The following KRT80 variants were observed in gnomAD, a reference collection of about 807,000 sequenced individuals.
The protein encoded by KRT80 is keratin 80, also known as keratin, type II cytoskeletal 80.
In KRT80, 36 loss-of-function variants were observed where a neutral mutation model predicts 51.5. The ratio of observed to expected loss-of-function variants is 0.70; its 90% CI spans 0.54 to 0.92. The LOEUF (loss-of-function observed/expected upper bound fraction) is 0.92. Among genes scored for constraint, KRT80 ranks in the 40% least tolerant of loss-of-function variants. The pLI is 0.00. For missense variants in KRT80, 566 were observed against 591.7 expected (o/e 0.96, Z 0.45); for synonymous variants, 235 against 248.3 (o/e 0.95, Z 0.50).
At chr12:52,187,749 T>C (rs1039046592) in intron 1 of KRT80, among the ~76,000 whole-genome samples, 1 of 152,060 alleles carries the variant, frequency 6.6e-6, no homozygotes, top group Non-Finnish European at 1.5e-5. Flanking sequence ...TGCCCTGCCT[T>C]GTGAGTGTGA....
chr12:52,172,444 G>A (rs1486231235), intron 6 of KRT80, 26 bp from the exon 7 acceptor site: 2 of 1,592,738 alleles, frequency 1.3e-6, no homozygotes, highest in East Asian at 2.2e-5. Context: ...CAGAGTGAAA[G>A]GGCCTGTGAG....
Position 52,170,787 on chromosome 12 carries a change from T to A in KRT80, c.*611A>T, listed in dbSNP as rs1462842998. 6.5e-6 allele frequency: 1 copy of A among 152,824 alleles called. No homozygotes were observed. Among genetic ancestry groups the A allele is most frequent in the Non-Finnish European group, 1.5e-5 (1 of 68,232 alleles). The allele number at this position is 152,824 out of a possible 1,614,324, so 9.5% of individuals were successfully genotyped here. A position where few individuals can be genotyped will look rare whatever the true frequency, so the allele number is the denominator to read the frequency against. ...TCGGGCTGATCTCTGGGGCCTAGGC[T>A]TAGGTCCCAAATAGCCAGGGCCCCT... is the stretch of plus-strand genomic sequence containing the variant. On this transcript the variant is annotated 3_prime_UTR_variant, in exon 9 of 9. Transcript: ENST00000394815.
chr12:52,185,374 C>A lies in KRT80; in HGVS notation c.509+5G>T, dbSNP rs185372773. The A allele has an allele frequency of 1.9e-6, 3 of 1,607,282 alleles. No homozygotes were observed. Among genetic ancestry groups the A allele is most frequent in the Non-Finnish European group, 1.7e-6 (2 of 1,176,310 alleles). On this transcript the variant is annotated splice_donor_5th_base_variant and intron_variant, in intron 2 of 8. Transcript: ENST00000394815. ...TGCTCATGGCTCTCATGGGGCTCTA[C>A]GTACCTGATTCGAAACTCCTCAACC...
intron 1 of KRT80, among the ~76,000 whole-genome samples, chr12:52,188,937 T>A (rs1406938370): frequency 6.6e-6 from 1 of 152,200 alleles, no homozygotes; most frequent in African/African-American, 2.4e-5. Context: ...ACTGTTGCCT[T>A]ACCAGTCCTT....
chr12:52,191,585 C>T lies in KRT80; in HGVS notation c.300+18G>A, dbSNP rs566490263. 1 of 1,545,208 alleles carries T rather than the reference C, an allele frequency of 6.5e-7. No homozygotes were observed. Among genetic ancestry groups the T allele is most frequent in the Admixed American group, 1.9e-5 (1 of 52,004 alleles). On this transcript the variant is annotated intron_variant, in intron 1 of 8. Coordinates refer to ENST00000394815, the MANE Select transcript of KRT80 (RefSeq NM_182507.3). ...GCCTGGCAGCCCTTCATGTTTGGGA[C>T]CCCCTACTTGTGCTCACCTTGCCAA...
chr12:52,187,367 G>A (rs1399378899), intron 1 of KRT80, among the ~76,000 whole-genome samples: 1 of 152,246 alleles, frequency 6.6e-6, no homozygotes, highest in Admixed American at 6.5e-5. Flanking sequence ...TGGAGGCCAG[G>A]GGTGTCAAGT....
Position 52,180,820 on chromosome 12 carries a change from A to G in KRT80, c.570+83T>C, listed in dbSNP as rs771602408. ...AAGCCTCTGAGGGCTTTGATTGGGC[A>G]TAAAGGAGAGTAGGATATCTGGAGG... On this transcript the variant is annotated intron_variant, in intron 3 of 8. Coordinates refer to ENST00000394815, the MANE Select transcript of KRT80 (RefSeq NM_182507.3). 4.4e-5 allele frequency: 70 copies of G among 1,606,164 alleles called. No individual in the cohort carries two copies. In the South Asian group the frequency reaches 6.3e-4, roughly 15 times the overall value.
intron 1 of KRT80, among the ~76,000 whole-genome samples, chr12:52,190,215 G>C (rs959889494): frequency 1.3e-5 from 2 of 152,168 alleles, no homozygotes; most frequent in Admixed American, 6.5e-5. Context: ...ATGGAAGAAG[G>C]AAAGAAAAGA....
chr12:52,184,817 T>C (rs1182145731), intron 2 of KRT80, among the ~76,000 whole-genome samples: 3 of 152,224 alleles, frequency 2.0e-5, no homozygotes, highest in Non-Finnish European at 2.9e-5. Flanking sequence ...TGGGGCTGTT[T>C]TCCTTATCTG....
At chr12:52,179,511 A>G (rs1232248634) in intron 4 of KRT80, among the ~76,000 whole-genome samples, 1 of 151,872 alleles carries the variant, frequency 6.6e-6, no homozygotes, top group Non-Finnish European at 1.5e-5. Flanking sequence ...CACAAACAAG[A>G]CTCAGTTCCA....
chr12:52,191,738 G>T lies in KRT80; in HGVS notation c.165C>A (p.Ile55=), dbSNP rs773796309. The change falls in exon 1 of 9, where the codon ATC becomes ATA. Residue 55 remains isoleucine (I), a synonymous_variant. Coordinates refer to ENST00000394815, the MANE Select transcript of KRT80 (RefSeq NM_182507.3). ...SLTGCWSAGT[I]SKVTVNPGLL... ...GGCCGGGGTTCACAGTCACCTTGGA[G>T]ATAGTGCCAGCCGACCAGCAGCCTG... 1.2e-6 allele frequency: 2 copies of T among 1,613,538 alleles called. No homozygotes were observed. The highest frequency in any genetic ancestry group is 1.7e-5 in the Admixed American group (1 of 60,006).
rs118025847 is a variant in KRT80, at chr12:52,187,611, G to A, written c.301-2024C>T. 3.9e-3 allele frequency among the ~76,000 whole-genome samples: 600 copies of A among 152,312 alleles called. 2 individuals are homozygous for A. Among genetic ancestry groups the A allele is most frequent in the Middle Eastern group, 6.8e-3 (2 of 294 alleles). On this transcript the variant is annotated intron_variant, in intron 1 of 8. Transcript: ENST00000394815. The stretch of plus-strand genomic sequence containing the variant: ...GAATACTGGATGATGGCGTTTGACG[G>A]TATTTGCGGGCTGCCATTCCCCTGC...
intron 1 of KRT80, among the ~76,000 whole-genome samples, chr12:52,188,247 C>T (rs1941434674): frequency 6.6e-6 from 1 of 152,230 alleles, no homozygotes. Flanking sequence ...CTGATTCCTC[C>T]TCTCTGTTCT....
intron 4 of KRT80, among the ~76,000 whole-genome samples, chr12:52,178,943 C>T (rs1234290010): frequency 6.6e-6 from 1 of 152,036 alleles, no homozygotes; most frequent in Non-Finnish European, 1.5e-5. Context: ...AACCCACAGG[C>T]CTGGCTACTG....
At chr12:52,190,997 A>C (rs1941471864) in intron 1 of KRT80, among the ~76,000 whole-genome samples, 1 of 152,118 alleles carries the variant, frequency 6.6e-6, no homozygotes, top group African/African-American at 2.4e-5. Flanking sequence ...AGGAAGGCCC[A>C]ACTGGCTTCC....
Position 52,171,641 on chromosome 12 carries a change from G to C in KRT80, c.1234+17C>G. The stretch of plus-strand genomic sequence containing the variant: ...CACCCTCACCCCACCATGGGTTCTC[G>C]GGGCAAGAGGACTCACCGGTTTTGC... On this transcript the variant is annotated intron_variant, in intron 8 of 8. Transcript: ENST00000394815. 2.5e-6 allele frequency: 4 copies of C among 1,594,722 alleles called. No individual in the cohort carries two copies. Among genetic ancestry groups the C allele is most frequent in the Non-Finnish European group, 2.6e-6 (3 of 1,171,206 alleles).
chr12:52,178,663 C>T (rs1463852325), intron 4 of KRT80, among the ~76,000 whole-genome samples: 2 of 152,248 alleles, frequency 1.3e-5, no homozygotes, highest in African/African-American at 2.4e-5. Flanking sequence ...TCAGCTAAGT[C>T]ATGCCCTCCT....
chr12:52,171,719 G>A lies in KRT80; in HGVS notation c.1179-6C>T, dbSNP rs776245920. 2 of 1,518,802 alleles carry A rather than the reference G, an allele frequency of 1.3e-6. No individual in the cohort carries two copies. The highest frequency in any genetic ancestry group is 1.2e-5 in the South Asian group (1 of 83,688). The allele number at this position is 1,518,802 out of a possible 1,614,324, so 94.1% of individuals were successfully genotyped here. A position where few individuals can be genotyped will look rare whatever the true frequency, so the allele number is the denominator to read the frequency against. On this transcript the variant is annotated splice_polypyrimidine_tract_variant and splice_region_variant and intron_variant, in intron 7 of 8. Transcript: ENST00000394815. Reference sequence around the variant, plus strand: ...TGGCTGAGGGCGAGTCCATCCTGGGGGTGGGGGACGGGGGGGTGGGAGAGG... The same window carrying A: ...TGGCTGAGGGCGAGTCCATCCTGGGAGTGGGGGACGGGGGGGTGGGAGAGG...
chr12:52,186,391 G>T (rs1941404057), intron 1 of KRT80, among the ~76,000 whole-genome samples: 1 of 152,142 alleles, frequency 6.6e-6, no homozygotes, highest in Admixed American at 6.5e-5. Flanking sequence ...GGACACCTGG[G>T]GATGTGCTTT....
Sources: gnomAD v4.1 joint callset for allele counts (sites outside exome capture counted in the v4.1 genomes callset) on GRCh38, gnomAD v4.1.1 for gene constraint, MANE v1.5 for transcripts, NCBI Gene and HGNC (gene_info 2026-07-23, HGNC 2026-07-21) for gene names.